ARSB: variants seen among roughly 807,000 people sequenced by gnomAD.
The protein encoded by ARSB is arylsulfatase B.
Under a neutral mutation model 50.9 loss-of-function variants are expected in ARSB, and 41 were observed. The observed-to-expected ratio is 0.81, with a 90% CI of 0.63 to 1.04. The LOEUF is 1.04. Ranked by LOEUF, ARSB falls within the 50% of genes least tolerant of loss-of-function variation. The pLI is 0.00. For missense variants in ARSB, 672 were observed against 693.3 expected, an observed-to-expected ratio of 0.97 and a Z score of 0.35; for synonymous variants, 269 against 284.8, an observed-to-expected ratio of 0.94 and a Z score of 0.56.
intron 5 of ARSB, among the ~76,000 whole-genome samples, chr5:78,856,756 T>G (rs535421476): frequency 6.6e-6 from 1 of 152,360 alleles, no homozygotes; most frequent in East Asian, 1.9e-4. Flanking sequence ...TATTCATTTT[T>G]AGGTAATGCT....
intron 6 of ARSB, among the ~76,000 whole-genome samples, chr5:78,804,829 C>T (rs16875944): frequency 0.16 from 24,927 of 152,166 alleles, 2,538 homozygotes; most frequent in African/African-American, 0.28. Flanking sequence ...GCAAATGCTG[C>T]CCCGTGCTCC....
intron 6 of ARSB, among the ~76,000 whole-genome samples, chr5:78,824,298 T>G (rs1463863691): frequency 6.6e-6 from 1 of 152,262 alleles, no homozygotes; most frequent in African/African-American, 2.4e-5. Flanking sequence ...TTCAAGGTCT[T>G]ACATCTCTGT....
intron 5 of ARSB, among the ~76,000 whole-genome samples, chr5:78,870,654 G>A (rs1386136843): frequency 4.6e-5 from 7 of 151,108 alleles, no homozygotes; most frequent in African/African-American, 1.7e-4. Context: ...AGGTATTGAT[G>A]GGACGTATTT....
intron 2 of ARSB, among the ~76,000 whole-genome samples, chr5:78,965,554 A>T (rs1752169071): frequency 6.6e-6 from 1 of 152,188 alleles, no homozygotes; most frequent in Admixed American, 6.5e-5. Flanking sequence ...TTGCCATGAT[A>T]GTGGCACAAC....
chr5:78,985,341 C>T (rs1753141046), upstream of ARSB: 1 of 1,166,938 alleles, frequency 8.6e-7, no homozygotes, highest in Non-Finnish European at 1.1e-6. Context: ...CCTGCTCCGC[C>T]CCGGCGCGGG....
At chr5:78,897,997 G>A (rs956600383) in intron 4 of ARSB, among the ~76,000 whole-genome samples, 2 of 152,148 alleles carry the variant, frequency 1.3e-5, no homozygotes, top group Non-Finnish European at 2.9e-5. Flanking sequence ...GCCGGGTGCG[G>A]TGGCTGACGC....
At chr5:78,838,754 C>T (rs142536381) in intron 6 of ARSB, among the ~76,000 whole-genome samples, 16 of 152,302 alleles carry the variant, frequency 1.1e-4, no homozygotes, top group African/African-American at 3.4e-4. Flanking sequence ...TATTACAGTC[C>T]GTTGTGATCT....
Position 78,907,023 on chromosome 5 carries a change from G to A in ARSB, c.899-21196C>T, listed in dbSNP as rs780660996. 2.0e-3 allele frequency among the ~76,000 whole-genome samples: 301 copies of A among 152,270 alleles called. 1 individual carries two copies. Among genetic ancestry groups the A allele is most frequent in the Middle Eastern group, 6.8e-3 (2 of 294 alleles). On this transcript the variant is annotated intron_variant, in intron 4 of 7. Transcript: ENST00000264914. ...GGTTCAACACATGGTCCCTGCTTTC[G>A]AGGGAGGCAACATCCACAGAAAGCA... is the stretch of plus-strand genomic sequence containing the variant.
intron 3 of ARSB, among the ~76,000 whole-genome samples, chr5:78,957,436 G>T (rs924740889): frequency 1.3e-5 from 2 of 152,152 alleles, no homozygotes; most frequent in East Asian, 3.8e-4. Context: ...TTGGAACTCA[G>T]AAATACGTTT....
rs572630713 is a variant in ARSB, at chr5:78,840,680, T to C, written c.1143-1254A>G. Among the ~76,000 whole-genome samples, 8 of 151,968 alleles carry C rather than the reference T, an allele frequency of 5.3e-5. No homozygotes were observed. In the South Asian group the frequency reaches 1.7e-3, roughly 32 times the overall value. ...ACTTTGGTATTCTATCAGATGTCATTGTCCCCCTCTACTCCATAAATCACA... is the reference window on the plus strand; with the variant it reads ...ACTTTGGTATTCTATCAGATGTCATCGTCCCCCTCTACTCCATAAATCACA... On this transcript the variant is annotated intron_variant, in intron 5 of 7. Transcript: ENST00000264914.
chr5:78,953,995 G>C (rs1328602714), intron 4 of ARSB, among the ~76,000 whole-genome samples: 1 of 151,902 alleles, frequency 6.6e-6, no homozygotes, highest in East Asian at 1.9e-4. Flanking sequence ...AAACACAAAA[G>C]AGTTGCTGGT....
intron 4 of ARSB, among the ~76,000 whole-genome samples, chr5:78,925,970 C>T (rs565957712): frequency 2.6e-5 from 4 of 152,036 alleles, no homozygotes; most frequent in East Asian, 3.9e-4. Flanking sequence ...CTTTACTAAT[C>T]GTGAGTTTGT....
At chr5:78,882,696 A>T (rs1747809359) in intron 5 of ARSB, among the ~76,000 whole-genome samples, 2 of 152,090 alleles carry the variant, frequency 1.3e-5, no homozygotes, top group Admixed American at 1.3e-4. Context: ...AAGATGTAGT[A>T]AAAAAATGCT....
chr5:78,959,292 T>A (rs376889880), intron 3 of ARSB, among the ~76,000 whole-genome samples: 1 of 151,944 alleles, frequency 6.6e-6, no homozygotes, highest in African/African-American at 2.4e-5. Context: ...CATGTGGAAC[T>A]GAGTCAATTA....
intron 6 of ARSB, among the ~76,000 whole-genome samples, chr5:78,827,245 G>A (rs1744474479): frequency 6.6e-6 from 1 of 151,908 alleles, no homozygotes; most frequent in African/African-American, 2.4e-5. Flanking sequence ...GTCTTGCTCT[G>A]TCGCCCAGGC....
intron 1 of ARSB, among the ~76,000 whole-genome samples, chr5:78,980,732 GTA>G (rs1426625293): frequency 3.0e-5 from 4 of 133,192 alleles, no homozygotes; most frequent in East Asian, 2.2e-4. Flanking sequence ...GGAAGTGTGT[GTA>G]TGTGTGTGTG....
intron 6 of ARSB, among the ~76,000 whole-genome samples, chr5:78,782,687 TAGAC>T (rs1439944333): frequency 1.3e-5 from 2 of 152,314 alleles, no homozygotes; most frequent in African/African-American, 2.4e-5. Context: ...AGGTAGAAGA[TAGAC>T]AGATGGAACA....
chr5:78,921,396 A>G (rs1749808054), intron 4 of ARSB, among the ~76,000 whole-genome samples: 1 of 115,136 alleles, frequency 8.7e-6, no homozygotes, highest in Admixed American at 9.9e-5. Context: ...ACACACACAT[A>G]TATGTGTATG....
chr5:78,834,970 C>T (rs76165270), intron 6 of ARSB, among the ~76,000 whole-genome samples: 1 of 127,598 alleles, frequency 7.8e-6, no homozygotes, highest in Non-Finnish European at 1.7e-5. Flanking sequence ...CTCCCTCCCT[C>T]CCTTCCTTCC....
Sources: gnomAD v4.1 joint callset for allele counts (sites outside exome capture counted in the v4.1 genomes callset) on GRCh38, gnomAD v4.1.1 for gene constraint, MANE v1.5 for transcripts, NCBI Gene and HGNC (gene_info 2026-07-23, HGNC 2026-07-21) for gene names.